SPMIP11: variants seen among roughly 807,000 people sequenced by gnomAD.
SPMIP11 encodes the protein sperm microtubule inner protein 11, also known as long intergenic non-protein coding RNA 935.
chr12:48,743,260 G>A, the SPMIP11 span, among the ~76,000 whole-genome samples: 1 of 151,734 alleles, frequency 6.6e-6, no homozygotes, highest in Non-Finnish European at 1.5e-5. Flanking sequence ...CAGGCGTGGT[G>A]GCAGGCACCT....
chr12:48,759,104 C>T, the SPMIP11 span: 9 of 646,330 alleles, frequency 1.4e-5, no homozygotes, highest in Non-Finnish European at 2.5e-5. Context: ...ATGTGAGTGG[C>T]TAGGAGAGAT....
At chr12:48,744,987 G>A in the SPMIP11 span, among the ~76,000 whole-genome samples, 1 of 152,002 alleles carries the variant, frequency 6.6e-6, no homozygotes, top group African/African-American at 2.4e-5. Flanking sequence ...ATATATTAAA[G>A]AGGCCGGGCG....
At chr12:48,763,810 C>A in the SPMIP11 span, among the ~76,000 whole-genome samples, 2 of 151,654 alleles carry the variant, frequency 1.3e-5, no homozygotes, top group East Asian at 3.9e-4. Context: ...TACTGAGTAG[C>A]TGCGATTACA....
At chr12:48,758,590 G>A in the SPMIP11 span, among the ~76,000 whole-genome samples, 1 of 152,316 alleles carries the variant, frequency 6.6e-6, no homozygotes, top group South Asian at 2.1e-4. Context: ...TGAGATACAG[G>A]TTTTGCTTCA....
chr12:48,741,060 T>G, the SPMIP11 span, among the ~76,000 whole-genome samples: 3 of 150,050 alleles, frequency 2.0e-5, no homozygotes, highest in Non-Finnish European at 4.4e-5. Flanking sequence ...CTTCGTTTCA[T>G]GATATTGACT....
chr12:48,767,142 T>C, the SPMIP11 span: 2 of 152,636 alleles, frequency 1.3e-5, no homozygotes, highest in Non-Finnish European at 2.9e-5. Flanking sequence ...CCCCAAAGCA[T>C]ACCATGTCCC....
the SPMIP11 span, among the ~76,000 whole-genome samples, chr12:48,751,385 A>C: frequency 6.6e-6 from 1 of 152,140 alleles, no homozygotes; most frequent in African/African-American, 2.4e-5. Context: ...AGGCTTAGGC[A>C]AAAGGATCAC....
At chr12:48,770,914 G>A in the SPMIP11 span, 6 of 1,614,230 alleles carry the variant, frequency 3.7e-6, no homozygotes, top group Non-Finnish European at 4.2e-6. Flanking sequence ...CAGCCATGTA[G>A]GTGCTACCAA....
At chr12:48,768,462 G>T in the SPMIP11 span, 1 of 1,341,004 alleles carries the variant, frequency 7.5e-7, no homozygotes, top group African/African-American at 1.4e-5. Flanking sequence ...ACAGCCTGCT[G>T]GGATGTTCCC....
the SPMIP11 span, among the ~76,000 whole-genome samples, chr12:48,734,898 G>A: frequency 6.6e-6 from 1 of 151,280 alleles, no homozygotes; most frequent in African/African-American, 2.4e-5. Context: ...CCAGCTACTC[G>A]GGAGGCTGAG....
At chr12:48,768,702 C>T in the SPMIP11 span, 19 of 1,614,014 alleles carry the variant, frequency 1.2e-5, no homozygotes, top group Non-Finnish European at 8.5e-7. Flanking sequence ...GAACCTGGTA[C>T]AGGTCCGTGG....
chr12:48,744,181 G>A, the SPMIP11 span, among the ~76,000 whole-genome samples: 2 of 151,162 alleles, frequency 1.3e-5, no homozygotes, highest in South Asian at 4.2e-4. Context: ...CTGGAAGGTG[G>A]AGACAGTGGT....
At chr12:48,739,818 G>A in the SPMIP11 span, among the ~76,000 whole-genome samples, 19 of 152,224 alleles carry the variant, frequency 1.2e-4, no homozygotes, top group Admixed American at 8.5e-4. Flanking sequence ...ATTACAATTC[G>A]ACACGAGGTT....
At chr12:48,734,516 C>T in the SPMIP11 span, among the ~76,000 whole-genome samples, 1 of 152,150 alleles carries the variant, frequency 6.6e-6, no homozygotes, top group Non-Finnish European at 1.5e-5. Flanking sequence ...ATAGGTATAT[C>T]ATAATTTTAG....
the SPMIP11 span, chr12:48,767,784 T>A: frequency 6.5e-6 from 1 of 152,978 alleles, no homozygotes; most frequent in Non-Finnish European, 1.5e-5. Flanking sequence ...CTGGCCGGCC[T>A]GCTCTTTGGC....
At chr12:48,736,177 G>C in the SPMIP11 span, 1 of 410,712 alleles carries the variant, frequency 2.4e-6, no homozygotes, top group Non-Finnish European at 4.8e-6. Context: ...CCCGAGGTGA[G>C]TGGATTCCTT....
At chr12:48,755,926 G>T in the SPMIP11 span, among the ~76,000 whole-genome samples, 2 of 146,858 alleles carry the variant, frequency 1.4e-5, no homozygotes, top group African/African-American at 5.1e-5. Flanking sequence ...TGCCCAGGCT[G>T]GAGTGCAGTG....
At chr12:48,732,048 C>T in the SPMIP11 span, among the ~76,000 whole-genome samples, 1 of 151,404 alleles carries the variant, frequency 6.6e-6, no homozygotes, top group Non-Finnish European at 1.5e-5. Context: ...ACTCTGGAGG[C>T]TGAGGCACGA....
At chr12:48,761,888 CT>C in the SPMIP11 span, among the ~76,000 whole-genome samples, 286 of 135,722 alleles carry the variant, frequency 2.1e-3, no homozygotes, top group African/African-American at 2.2e-3. Flanking sequence ...ATGCCCAGCT[CT>C]TTTTTTTTTT....
Sources: gnomAD v4.1 joint callset for allele counts (sites outside exome capture counted in the v4.1 genomes callset) on GRCh38, gnomAD v4.1.1 for gene constraint, MANE v1.5 for transcripts, NCBI Gene and HGNC (gene_info 2026-07-23, HGNC 2026-07-21) for gene names.